TMEM87A: variants seen among roughly 807,000 people sequenced by gnomAD.
TMEM87A encodes the protein transmembrane protein 87A, also known as Golgi-pH regulating cation channel.
Under a neutral mutation model 90.0 loss-of-function variants are expected in TMEM87A, and 50 were observed. The ratio of observed to expected loss-of-function variants is 0.56; its 90% CI spans 0.44 to 0.70. The LOEUF is 0.70. Among genes scored for constraint, TMEM87A ranks in the 30% least tolerant of loss-of-function variants. TMEM87A has a pLI of 0.00. For synonymous variants in TMEM87A, 226 were observed against 226.7 expected (o/e 1.00, Z 0.03); for missense variants, 577 against 660.5 (o/e 0.87, Z 1.39).
chr15:42,224,054 A>G (rs1314154207), intron 15 of TMEM87A, among the ~76,000 whole-genome samples: 1 of 152,194 alleles, frequency 6.6e-6, no homozygotes, highest in Non-Finnish European at 1.5e-5. Context: ...CCTAACCTTC[A>G]TTGACTAATG....
At position 42,273,254 on chromosome 15, in the gene TMEM87A, C is replaced by G. The variant is rs1195452782; in HGVS notation, c.144+1G>C. 1 of 1,614,002 alleles carries G rather than the reference C, an allele frequency of 6.2e-7. No individual in the cohort carries two copies. Among genetic ancestry groups the G allele is most frequent in the African/African-American group, 1.3e-5 (1 of 74,920 alleles). On this transcript the variant is annotated splice_donor_variant, in intron 1 of 19. Transcript: ENST00000389834. LOFTEE classifies it high-confidence loss of function. ...CAGACGTTAGTGAAGTGAATACTCACCGACGGTATCGGAATGTGCCATTTG... is the reference window on the plus strand; with the variant it reads ...CAGACGTTAGTGAAGTGAATACTCAGCGACGGTATCGGAATGTGCCATTTG...
chr15:42,226,627 G>A (rs769980735), intron 15 of TMEM87A, 179 bp downstream of exon 15: 8 of 582,068 alleles, frequency 1.4e-5, no homozygotes, highest in Non-Finnish European at 2.4e-5. Flanking sequence ...TGGAGAGGCT[G>A]CATGCCAAAA....
In TMEM87A at chr15:42,221,243, C is replaced by T. The variant is rs550138655; in HGVS notation, c.1404-1108G>A. 6.1e-5 allele frequency among the ~76,000 whole-genome samples: 9 copies of T among 148,080 alleles called. No homozygotes were observed. In the South Asian group the frequency reaches 1.3e-3, roughly 21 times the overall value. On this transcript the variant is annotated intron_variant, in intron 15 of 19. Transcript: ENST00000389834. ...CAGCCTGGGCGACACAGCGAGACTC[C>T]GTCAAGAAAAGAAAGGAGAGACAGA...
At chr15:42,242,182 G>A (rs898349868) in intron 7 of TMEM87A, among the ~76,000 whole-genome samples, 3 of 152,152 alleles carry the variant, frequency 2.0e-5, no homozygotes, top group South Asian at 2.1e-4. Context: ...GCACGAGGCC[G>A]ACTCCATGAT....
chr15:42,252,499 T>A (rs2051105272), intron 6 of TMEM87A, among the ~76,000 whole-genome samples: 1 of 152,182 alleles, frequency 6.6e-6, no homozygotes, highest in African/African-American at 2.4e-5. Flanking sequence ...TTTCTGAAAT[T>A]CATACTTTCA....
chr15:42,269,861 G>A (rs1193083368), intron 2 of TMEM87A, among the ~76,000 whole-genome samples: 4 of 138,404 alleles, frequency 2.9e-5, no homozygotes, highest in Non-Finnish European at 4.7e-5. Flanking sequence ...GCGTGAACCT[G>A]GGAAGCGGAG....
intron 6 of TMEM87A, among the ~76,000 whole-genome samples, chr15:42,244,676 TGAGCTAGTCTATGTGGTAAGCAA>T (rs2050938958): frequency 6.7e-6 from 1 of 148,730 alleles, no homozygotes; most frequent in South Asian, 2.2e-4. Flanking sequence ...AATTTAACCT[TGAGCTAGTCTATGTGGTAAGCAA>T]GAGTCACTAC....
intron 6 of TMEM87A, among the ~76,000 whole-genome samples, chr15:42,249,795 G>A (rs143069843): frequency 3.9e-4 from 59 of 152,282 alleles, no homozygotes; most frequent in Middle Eastern, 6.8e-3. Flanking sequence ...AGGTCTGCTC[G>A]GTGCAGAACT....
intron 3 of TMEM87A, among the ~76,000 whole-genome samples, chr15:42,266,183 T>C (rs1196094557): frequency 1.3e-5 from 2 of 152,210 alleles, no homozygotes; most frequent in Admixed American, 6.5e-5. Flanking sequence ...TTCTAGATTA[T>C]GGCAATTCTC....
At chr15:42,265,484 G>A (rs187397738) in intron 3 of TMEM87A, among the ~76,000 whole-genome samples, 168 of 148,802 alleles carry the variant, frequency 1.1e-3, no homozygotes, top group African/African-American at 4.0e-3. Context: ...TTTTTCATAT[G>A]CTTGTTGGCT....
At chr15:42,264,259 A>T (rs2051354565) in intron 3 of TMEM87A, 56 bp from the exon 4 acceptor site, 2 of 1,214,416 alleles carry the variant, frequency 1.6e-6, no homozygotes, top group Non-Finnish European at 2.4e-6. Flanking sequence ...ATAAGATACT[A>T]AGAGCACAGC....
chr15:42,223,777 T>G (rs1296978671), intron 15 of TMEM87A, among the ~76,000 whole-genome samples: 1 of 151,964 alleles, frequency 6.6e-6, no homozygotes, highest in Non-Finnish European at 1.5e-5. Context: ...AAGCTAAAGA[T>G]CCAACCTTAA....
At chr15:42,226,280 G>A (rs957048493) in intron 15 of TMEM87A, among the ~76,000 whole-genome samples, 2 of 151,246 alleles carry the variant, frequency 1.3e-5, no homozygotes, top group African/African-American at 2.4e-5. Flanking sequence ...AATTACAGGC[G>A]TGAGCCACCA....
chr15:42,244,192 T>A, intron 6 of TMEM87A, 25 bp from the exon 7 acceptor site: 1 of 1,448,092 alleles, frequency 6.9e-7, no homozygotes, highest in South Asian at 1.4e-5. Flanking sequence ...GGGCATCACA[T>A]CTATAAATCT....
intron 6 of TMEM87A, chr15:42,258,350 CTTCTT>C (rs1411415332): frequency 1.5e-6 from 1 of 682,494 alleles, no homozygotes; most frequent in Admixed American, 6.3e-5. Flanking sequence ...TTACTATTTT[CTTCTT>C]TTCATTTATG....
chr15:42,236,241 C>T, intron 10 of TMEM87A, 79 bp downstream of exon 10: 1 of 1,174,490 alleles, frequency 8.5e-7, no homozygotes. Context: ...TTCAGAACTA[C>T]TACATTGGGA....
At chr15:42,237,381 A>G (rs1174103836) in intron 9 of TMEM87A, 51 bp downstream of exon 9, 3 of 1,574,464 alleles carry the variant, frequency 1.9e-6, no homozygotes, top group Non-Finnish European at 2.6e-6. Flanking sequence ...ATATTTTCAT[A>G]CATCTCACCT....
At chr15:42,245,823 G>A (rs1294135342) in intron 6 of TMEM87A, among the ~76,000 whole-genome samples, 1 of 151,948 alleles carries the variant, frequency 6.6e-6, no homozygotes, top group Non-Finnish European at 1.5e-5. Flanking sequence ...GAGCTACCAC[G>A]CCCCGGCCCA....
chr15:42,273,437 C>G, upstream of TMEM87A: 3 of 1,611,568 alleles, frequency 1.9e-6, no homozygotes, highest in East Asian at 4.5e-5. Context: ...GCATTTCACC[C>G]TCTTCCGGTT....
Sources: allele counts gnomAD v4.1 joint callset (sites outside exome capture counted in the v4.1 genomes callset), GRCh38; gene constraint gnomAD v4.1.1; transcripts MANE v1.5; gene names NCBI Gene and HGNC (gene_info 2026-07-23, HGNC 2026-07-21).